The following SOX5 variants were observed in gnomAD, a reference collection of about 807,000 sequenced individuals.
SOX5 encodes the protein SRY-box transcription factor 5, also known as transcription factor SOX-5.
In SOX5, 9 loss-of-function variants were observed where a neutral mutation model predicts 92.0. The observed-to-expected ratio is 0.10, with a 90% CI of 0.06 to 0.17. The LOEUF (loss-of-function observed/expected upper bound fraction) is 0.17, where lower values mean the gene tolerates loss of function less well. Among genes scored for constraint, SOX5 ranks in the 10% least tolerant of loss-of-function variants. The probability of loss-of-function intolerance (pLI) is 1.00; values close to 1 mark genes in which losing one functional copy is unlikely to be tolerated. For missense variants in SOX5, 642 were observed against 944.5 expected (o/e 0.68, Z 4.20); for synonymous variants, 344 against 336.3 (o/e 1.02, Z -0.25).
intron 1 of SOX5, among the ~76,000 whole-genome samples, chr12:24,475,492 T>C (rs1033987982): frequency 2.0e-5 from 3 of 152,160 alleles, no homozygotes; most frequent in Non-Finnish European, 2.9e-5. Context: ...GAGAGTGATG[T>C]GAAAAGTCGT....
intron 4 of SOX5, among the ~76,000 whole-genome samples, chr12:24,053,985 A>T (rs891063383): frequency 7.2e-5 from 11 of 152,204 alleles, no homozygotes; most frequent in Non-Finnish European, 1.0e-4. Context: ...TTCTCCCCCA[A>T]GCTCTATGGC....
At chr12:24,027,373 A>C (rs1353792) in intron 4 of SOX5, among the ~76,000 whole-genome samples, 31,790 of 151,876 alleles carry the variant, frequency 0.21, 3,672 homozygotes, top group Middle Eastern at 0.34. Flanking sequence ...GCAGGCACCT[A>C]ATAATCATTC....
intron 3 of SOX5, among the ~76,000 whole-genome samples, chr12:23,812,488 G>T (rs1007571380): frequency 1.3e-5 from 2 of 151,322 alleles, no homozygotes; most frequent in East Asian, 1.9e-4. Context: ...TTTCCGGAAA[G>T]AAACATTTAT....
chr12:24,107,207 C>T (rs976215777), intron 4 of SOX5, among the ~76,000 whole-genome samples: 1 of 152,188 alleles, frequency 6.6e-6, no homozygotes, highest in Admixed American at 6.5e-5. Flanking sequence ...CAAGCTCTTA[C>T]AATCCACCTC....
At chr12:23,906,626 C>G (rs922986401) in intron 1 of SOX5, among the ~76,000 whole-genome samples, 2 of 152,208 alleles carry the variant, frequency 1.3e-5, no homozygotes, top group Admixed American at 1.3e-4. Context: ...CCACATACCC[C>G]ATTCCTGGGA....
At chr12:23,994,552 T>C (rs75137571) in intron 4 of SOX5, among the ~76,000 whole-genome samples, 2,302 of 152,228 alleles carry the variant, frequency 0.015, 62 homozygotes, top group African/African-American at 0.052. Context: ...TCAAGGATTA[T>C]ATAACCAATA....
chr12:24,363,411 A>G (rs1383095151), intron 2 of SOX5, among the ~76,000 whole-genome samples: 1 of 152,134 alleles, frequency 6.6e-6, no homozygotes, highest in African/African-American at 2.4e-5. Context: ...GCCTCTGTAT[A>G]CATCTCAGTT....
chr12:23,960,409 T>G (rs1946757114), intron 4 of SOX5, among the ~76,000 whole-genome samples: 1 of 151,064 alleles, frequency 6.6e-6, no homozygotes. Context: ...TTCTGGTAAT[T>G]TATGTTAGAA....
intron 4 of SOX5, among the ~76,000 whole-genome samples, chr12:24,018,291 A>AT (rs569885897): frequency 2.0e-5 from 3 of 151,996 alleles, no homozygotes; most frequent in South Asian, 2.1e-4. Flanking sequence ...ATTTGCTTAG[A>AT]TTTTTTTTAC....
In SOX5 at chr12:24,234,673, C is replaced by G. The variant is rs138298590; in HGVS notation, c.-76-21256G>C. Reference sequence around the variant, plus strand: ...AATTACCAAAGTGCTGGTGAGCCACCACGCCGGCCAAAATAACACCTTTTG... The same window carrying G: ...AATTACCAAAGTGCTGGTGAGCCACGACGCCGGCCAAAATAACACCTTTTG... On this transcript the variant is annotated intron_variant, in intron 3 of 4. Coordinates refer to the SOX5 transcript ENST00000446891. Among the ~76,000 whole-genome samples, 21 of 152,310 alleles carry G rather than the reference C, an allele frequency of 1.4e-4. No homozygotes were observed. In the East Asian group the frequency reaches 4.0e-3, roughly 29 times the overall value.
chr12:24,496,757 G>C (rs1399192303), intron 1 of SOX5, among the ~76,000 whole-genome samples: 1 of 152,168 alleles, frequency 6.6e-6, no homozygotes, highest in Non-Finnish European at 1.5e-5. Context: ...GAGAATAAAA[G>C]AGCACCCAAA....
intron 4 of SOX5, among the ~76,000 whole-genome samples, chr12:24,177,919 C>A (rs772293184): frequency 6.6e-6 from 1 of 152,164 alleles, no homozygotes; most frequent in Non-Finnish European, 1.5e-5. Context: ...AGGATCCTTA[C>A]CAAAACATCA....
At chr12:23,551,123 T>C (rs964758157) in intron 11 of SOX5, among the ~76,000 whole-genome samples, 4 of 151,954 alleles carry the variant, frequency 2.6e-5, no homozygotes, top group African/African-American at 4.8e-5. Context: ...AATGACAGAA[T>C]AGAGTGTGAC....
chr12:24,435,187 C>A (rs1226005622), intron 1 of SOX5, among the ~76,000 whole-genome samples: 1 of 152,196 alleles, frequency 6.6e-6, no homozygotes, highest in Non-Finnish European at 1.5e-5. Flanking sequence ...GAGATACTAG[C>A]TAAGAGGTTG....
chr12:23,669,440 C>T (rs1350923561), intron 6 of SOX5, among the ~76,000 whole-genome samples: 1 of 152,002 alleles, frequency 6.6e-6, no homozygotes, highest in Non-Finnish European at 1.5e-5. Flanking sequence ...AGAGGTCTGC[C>T]TGAATCAGTC....
rs140568018 is a variant in SOX5, at chr12:24,434,456, C to T, written c.-250-65817G>A. 1.2e-4 allele frequency among the ~76,000 whole-genome samples: 19 copies of T among 152,288 alleles called. No homozygotes were observed. The East Asian group carries it at 3.5e-3, about 28-fold the overall frequency. ...ACCACCAACTCCTGTATACGCTCTA[C>T]AGTCATGAGAAAGGACCCCTCCCTT... is the stretch of plus-strand genomic sequence containing the variant. On this transcript the variant is annotated intron_variant, in intron 1 of 4. Transcript: ENST00000446891.
intron 4 of SOX5, among the ~76,000 whole-genome samples, chr12:24,126,718 C>G (rs1162871499): frequency 2.6e-5 from 4 of 152,108 alleles, no homozygotes; most frequent in African/African-American, 4.8e-5. Flanking sequence ...CAAATGTTTA[C>G]GGGATGCTTC....
In SOX5 at chr12:23,599,553, C is replaced by T. The variant is rs75093191; in HGVS notation, c.1164+4834G>A. 7.9e-5 allele frequency among the ~76,000 whole-genome samples: 12 copies of T among 152,308 alleles called. No homozygotes were observed. The East Asian group carries it at 2.1e-3, about 27-fold the overall frequency. On this transcript the variant is annotated intron_variant, in intron 9 of 14. Transcript: ENST00000451604. The stretch of plus-strand genomic sequence containing the variant: ...TCATCAGCTTTTTAAACTGACTGTT[C>T]TTGGCTGCTGCAGGCAATATGTAAG...
At chr12:24,308,098 C>T (rs953941478) in intron 2 of SOX5, among the ~76,000 whole-genome samples, 2 of 151,860 alleles carry the variant, frequency 1.3e-5, no homozygotes, top group Non-Finnish European at 2.9e-5. Flanking sequence ...TGTGCTCAAG[C>T]ATGCCTATTA....
Sources: allele counts gnomAD v4.1 joint callset (sites outside exome capture counted in the v4.1 genomes callset), GRCh38; gene constraint gnomAD v4.1.1; transcripts MANE v1.5; gene names NCBI Gene and HGNC (gene_info 2026-07-23, HGNC 2026-07-21).